BAZ1B: variants seen among roughly 807,000 people sequenced by gnomAD.
BAZ1B encodes the protein tyrosine-protein kinase BAZ1B.
BAZ1B carries 22 observed loss-of-function variants against 153.8 expected under a neutral mutation model. That is an observed-to-expected ratio of 0.14 (90% CI 0.10 to 0.20). The LOEUF (loss-of-function observed/expected upper bound fraction) is 0.20, where lower values mean the gene tolerates loss of function less well. Among genes scored for constraint, BAZ1B ranks in the 10% least tolerant of loss-of-function variants. The pLI is 1.00. For synonymous variants in BAZ1B, 676 were observed against 633.4 expected (o/e 1.07, Z -1.01); for missense variants, 1,325 against 1,799.3 (o/e 0.74, Z 4.77).
At position 73,489,253 on chromosome 7, in the gene BAZ1B, A is replaced by G. The variant is rs371780058; in HGVS notation, c.832T>C (p.Leu278=). The change falls in exon 6 of 20, where the codon TTG becomes CTG. Residue 278 remains leucine (L), a synonymous_variant. Coordinates refer to ENST00000339594, the MANE Select transcript of BAZ1B (RefSeq NM_032408.4). ...ENAPWVVEDE[L]VKKYSLPSKF... is the part of the protein sequence containing the mutation. ...CTGGGCAGAGAGTATTTCTTCACCA[A>G]TTCATCTTCTACGACCCAAGGTGCA... 18 of 1,614,032 alleles carry G rather than the reference A, an allele frequency of 1.1e-5. No homozygotes were observed. Among genetic ancestry groups the G allele is most frequent in the Non-Finnish European group, 1.4e-5 (17 of 1,180,046 alleles).
In BAZ1B at chr7:73,450,828, A is replaced by G. The variant is rs1788005531; in HGVS notation, c.3580+19T>C. 1 of 1,612,956 alleles carries G rather than the reference A, an allele frequency of 6.2e-7. No homozygotes were observed. Among genetic ancestry groups the G allele is most frequent in the Admixed American group, 1.7e-5 (1 of 59,986 alleles). ...TACTCCCTAATATACCCACATAAGCAAATTTGATTTAAATATACCTTTCTT... is the reference window on the plus strand; with the variant it reads ...TACTCCCTAATATACCCACATAAGCGAATTTGATTTAAATATACCTTTCTT... On this transcript the variant is annotated intron_variant, in intron 14 of 19. Transcript: ENST00000339594. The surrounding 1 kb of genome is among the most constrained non-coding windows in gnomAD (Gnocchi z 4.1).
At position 73,492,854 on chromosome 7, in the gene BAZ1B, A is replaced by G; in HGVS notation, c.639T>C (p.Ala213=). 6.2e-7 allele frequency: 1 copy of G among 1,610,538 alleles called. No individual in the cohort carries two copies. Among genetic ancestry groups the G allele is most frequent in the Non-Finnish European group, 8.5e-7 (1 of 1,178,822 alleles). ...TSLKKGERKW[A]PPKFLPHKYD... Reference sequence around the variant, plus strand: ...ATTTGTGAGGCAGAAATTTTGGAGGAGCCCATTTCCTTTCTCCTTTTTTTA... The same window carrying G: ...ATTTGTGAGGCAGAAATTTTGGAGGGGCCCATTTCCTTTCTCCTTTTTTTA... The change falls in exon 5 of 20, where the codon GCT becomes GCC. Residue 213 remains alanine (A), a synonymous_variant. Transcript: ENST00000339594.
chr7:73,510,965 A>T (rs1305830365), intron 1 of BAZ1B, 113 bp from the exon 2 acceptor site: 3 of 861,374 alleles, frequency 3.5e-6, no homozygotes, highest in Admixed American at 2.4e-5. Context: ...AATGTGTAGC[A>T]TGAGAGGATA....
chr7:73,476,358 A>T (rs1789000086), intron 7 of BAZ1B, among the ~76,000 whole-genome samples: 1 of 152,242 alleles, frequency 6.6e-6, no homozygotes, highest in African/African-American at 2.4e-5. Context: ...CGATGGAGCC[A>T]TCAAAGCCCA....
Position 73,440,937 on chromosome 7 carries a change from A to G in BAZ1B, c.*772T>C, listed in dbSNP as rs531813382. ...GAAGACTACAAAGTTTTGCCTAAAT[A>G]TAACAACTAGAGCTAGATTTGTTGT... On this transcript the variant is annotated 3_prime_UTR_variant, in exon 20 of 20. Coordinates refer to ENST00000339594, the MANE Select transcript of BAZ1B (RefSeq NM_032408.4). The G allele has an allele frequency of 3.3e-5, 5 of 152,674 alleles. No homozygotes were observed. Among genetic ancestry groups the G allele is most frequent in the Admixed American group, 6.5e-5 (1 of 15,282 alleles). 9.5% of individuals were successfully genotyped at this position (152,674 alleles called of 1,614,324 possible).
chr7:73,489,123 T>C, intron 6 of BAZ1B, 71 bp downstream of exon 6: 1 of 1,464,672 alleles, frequency 6.8e-7, no homozygotes. Context: ...GCTATAAATA[T>C]AAATATACTG....
At chr7:73,511,180 A>C (rs1313777373) in intron 1 of BAZ1B, among the ~76,000 whole-genome samples, 1 of 152,092 alleles carries the variant, frequency 6.6e-6, no homozygotes, top group Non-Finnish European at 1.5e-5. Flanking sequence ...AGGCAGGAGA[A>C]TGGCGTGAAC....
chr7:73,492,323 C>T (rs1285878029), intron 5 of BAZ1B, among the ~76,000 whole-genome samples: 3 of 152,148 alleles, frequency 2.0e-5, no homozygotes, highest in Admixed American at 2.0e-4. Flanking sequence ...CCACCACGCC[C>T]GGCTAATTTT....
intron 13 of BAZ1B, among the ~76,000 whole-genome samples, chr7:73,457,783 G>A (rs781873096): frequency 2.0e-5 from 3 of 152,074 alleles, no homozygotes; most frequent in Non-Finnish European, 4.4e-5. Context: ...ACAAGCTCCT[G>A]AAAGGCAAGA....
At chr7:73,487,936 T>C (rs1369479512) in intron 6 of BAZ1B, among the ~76,000 whole-genome samples, 4 of 152,242 alleles carry the variant, frequency 2.6e-5, no homozygotes, top group African/African-American at 9.6e-5. Flanking sequence ...GCTAAAACCA[T>C]GACTGGAGGT....
chr7:73,464,179 T>C, intron 11 of BAZ1B: 1 of 984,874 alleles, frequency 1.0e-6, no homozygotes. Flanking sequence ...CATATTTTCC[T>C]TCTCTCTTCC....
intron 16 of BAZ1B, 108 bp from the exon 17 acceptor site, chr7:73,444,237 A>C: frequency 7.7e-7 from 1 of 1,305,600 alleles, no homozygotes; most frequent in Admixed American, 2.6e-5. Context: ...TGGACAAGGA[A>C]AGCAGTGGCC....
At chr7:73,509,986 G>C (rs782479697) in intron 2 of BAZ1B, among the ~76,000 whole-genome samples, 2 of 151,528 alleles carry the variant, frequency 1.3e-5, no homozygotes, top group Non-Finnish European at 2.9e-5. Flanking sequence ...AATTAGCCAG[G>C]CGTGGTGGTG....
chr7:73,463,152 T>C, intron 11 of BAZ1B, 53 bp from the exon 12 acceptor site: 3 of 1,462,526 alleles, frequency 2.1e-6, no homozygotes, highest in Non-Finnish European at 2.8e-6. Context: ...TTGAAGATGT[T>C]CTTCAAATTT....
chr7:73,475,923 C>CAAA (rs34851345), intron 7 of BAZ1B, among the ~76,000 whole-genome samples: 9 of 113,956 alleles, frequency 7.9e-5, no homozygotes, highest in South Asian at 3.1e-4. Context: ...GACTCCATCT[C>CAAA]AAAAAAAAAA....
Position 73,489,177 on chromosome 7 carries a change from A to T in BAZ1B, c.891+17T>A. On this transcript the variant is annotated intron_variant, in intron 6 of 19. Transcript: ENST00000339594. ...TGATGCTTTATCCTGCTGTCCAAAA[A>T]TTAACAGTGACCTTACCTTGTATGG... is the stretch of plus-strand genomic sequence containing the variant. The T allele has an allele frequency of 6.2e-7, 1 of 1,612,636 alleles. No individual in the cohort carries two copies. Among genetic ancestry groups the T allele is most frequent in the Non-Finnish European group, 8.5e-7 (1 of 1,178,640 alleles).
intron 3 of BAZ1B, among the ~76,000 whole-genome samples, chr7:73,502,018 G>C (rs1369265153): frequency 6.6e-6 from 1 of 150,890 alleles, no homozygotes; most frequent in African/African-American, 2.4e-5. Flanking sequence ...AGCCTTCCAA[G>C]TAGCTGGGAC....
chr7:73,469,709 T>C, intron 8 of BAZ1B, 59 bp from the exon 9 acceptor site: 3 of 1,584,528 alleles, frequency 1.9e-6, no homozygotes, highest in Non-Finnish European at 1.7e-6. Flanking sequence ...CAGGATGATT[T>C]TACTGCTGGA....
At chr7:73,457,697 C>T (rs1178538808) in intron 13 of BAZ1B, among the ~76,000 whole-genome samples, 1 of 152,050 alleles carries the variant, frequency 6.6e-6, no homozygotes, top group South Asian at 2.1e-4. Flanking sequence ...ATGAGGCTTT[C>T]GGTGAGACCT....
Sources: allele counts gnomAD v4.1 joint callset (sites outside exome capture counted in the v4.1 genomes callset), GRCh38; gene constraint gnomAD v4.1.1; non-coding constraint Gnocchi (gnomAD v3.1); transcripts MANE v1.5; gene names NCBI Gene and HGNC (gene_info 2026-07-23, HGNC 2026-07-21).